Variants in WDR6 observed in about 807,000 individuals in gnomAD.
The protein encoded by WDR6 is tRNA (34-2'-O)-methyltransferase regulator WDR6.
WDR6 carries 58 observed loss-of-function variants against 85.6 expected under a neutral mutation model. The observed-to-expected ratio is 0.68, with a 90% CI of 0.55 to 0.84. WDR6 has a LOEUF of 0.84. WDR6 is among the 40% of genes least tolerant of loss of function. The pLI, the probability that WDR6 is intolerant of heterozygous loss-of-function variation, is 0.00. For missense variants in WDR6, 1,310 were observed against 1,476.4 expected (o/e 0.89, Z 1.85); for synonymous variants, 569 against 582.2 (o/e 0.98, Z 0.33).
chr3:49,011,544 A>G lies in WDR6; in HGVS notation c.101-91A>G. 4.3e-6 allele frequency: 7 copies of G among 1,612,374 alleles called. No individual in the cohort carries two copies. The Middle Eastern group carries it at 6.6e-4, about 152-fold the overall frequency. ...GTGTCCTGATGCATTCATAGGCTACATGCCGAGAAGTTTCCCTGATCCCCA... is the reference window on the plus strand; with the variant it reads ...GTGTCCTGATGCATTCATAGGCTACGTGCCGAGAAGTTTCCCTGATCCCCA... On this transcript the variant is annotated intron_variant, in intron 1 of 5. Transcript: ENST00000608424.
rs746529323 is a variant in WDR6 at position 49,014,361 on chromosome 3, TG to T, written c.2667-19del. The T allele has an allele frequency of 4.3e-6, 7 of 1,614,108 alleles. No homozygotes were observed. The South Asian group carries it at 6.6e-5, about 15-fold the overall frequency. On this transcript the variant is annotated intron_variant, in intron 3 of 5. Coordinates refer to ENST00000608424, the MANE Select transcript of WDR6 (RefSeq NM_018031.6). The surrounding 1 kb of genome is among the most constrained non-coding windows in gnomAD (Gnocchi z 4.9). ...AGGTTGTCTAGGATGCGTTCTGAGC[TG>T]GGCCACCCCCCGCCCCCCAGGCTCT...
At position 49,012,045 on chromosome 3, in the gene WDR6, A is replaced by C. The variant is rs752802847; in HGVS notation, c.511A>C (p.Lys171Gln). The C allele has an allele frequency of 5.6e-6, 9 of 1,614,138 alleles. 1 individual carries two copies. The South Asian group carries it at 9.9e-5, about 18-fold the overall frequency. Reference sequence around the variant, plus strand: ...AGCCTGCCTGATTGGAGACGCCTGGAAGGAGCTGACCATAGTGGCAGGTGC... The same window carrying C: ...AGCCTGCCTGATTGGAGACGCCTGGCAGGAGCTGACCATAGTGGCAGGTGC... ...SSACLIGDAW[K>Q]ELTIVAGAVS... The change falls in exon 2 of 6, where the codon AAG becomes CAG. Residue 171 changes from lysine to glutamine, a missense_variant. Coordinates refer to ENST00000608424, the MANE Select transcript of WDR6 (RefSeq NM_018031.6). The surrounding 1 kb of genome is among the most constrained non-coding windows in gnomAD (Gnocchi z 4.4).
Position 49,013,122 on chromosome 3 carries a change from G to T in WDR6, c.1588G>T (p.Val530Leu), listed in dbSNP as rs761547772. 2 of 1,608,314 alleles carry T rather than the reference G, an allele frequency of 1.2e-6. No individual in the cohort carries two copies. The highest frequency in any genetic ancestry group is 1.1e-5 in the South Asian group (1 of 90,580). Residue 530 changes from valine to leucine, a missense_variant, in exon 2 of 6, where the codon GTG becomes TTG. By Grantham distance (32) the Val-to-Leu change is conservative. Coordinates refer to ENST00000608424, the MANE Select transcript of WDR6 (RefSeq NM_018031.6). This position sits in a 1 kb window ranked among gnomAD's most constrained non-coding sequence, Gnocchi z 4.6. ...SRPGLLKDPG[V>L]GGKARAGAGA... ...ACCAGGTCTGCTCAAGGACCCTGGG[G>T]TGGGAGGCAAGGCTCGGGCTGGTGC...
rs771070469 is a variant in WDR6 at position 49,012,566 on chromosome 3, C to G, written c.1032C>G (p.Ser344=). Residue 344 remains serine, a synonymous_variant, in exon 2 of 6, where the codon TCC becomes TCG. Transcript: ENST00000608424. This position sits in a 1 kb window ranked among gnomAD's most constrained non-coding sequence, Gnocchi z 4.4. ...GLGVSALCFK[S]RSRPGTLKAV... ...GGGTCTCGGCTCTCTGCTTCAAGTC[C>G]CGTAGTAGGCCAGGTACACTCAAGG... 7 of 1,613,982 alleles carry G rather than the reference C, an allele frequency of 4.3e-6. No homozygotes were observed. The East Asian group carries it at 1.6e-4, about 36-fold the overall frequency.
rs1410487247 is a variant in WDR6 at position 49,012,760 on chromosome 3, C to T, written c.1226C>T (p.Ala409Val). 6.2e-7 allele frequency: 1 copy of T among 1,613,876 alleles called. No homozygotes were observed. Among genetic ancestry groups the T allele is most frequent in the African/African-American group, 1.3e-5 (1 of 74,872 alleles). The change falls in exon 2 of 6, where the codon GCT becomes GTT. Residue 409 changes from alanine to valine, a missense_variant. Coordinates refer to ENST00000608424, the MANE Select transcript of WDR6 (RefSeq NM_018031.6). The surrounding 1 kb of genome is among the most constrained non-coding windows in gnomAD (Gnocchi z 4.4). The part of the protein sequence containing the change: ...APGPEGFGLC[A>V]MANGEGRVKV... ...GGTCCCGAGGGCTTCGGATTGTGTG[C>T]TATGGCCAATGGGGAAGGTCGTGTC... is the stretch of plus-strand genomic sequence containing the variant.
Position 49,015,915 on chromosome 3 carries a change from G to C in WDR6, c.*627G>C. ...GTCACTGGCCCATCTCTTTGCTCTTGTGCCCCAGGCCAGAATAAAGAATAG... is the reference window on the plus strand; with the variant it reads ...GTCACTGGCCCATCTCTTTGCTCTTCTGCCCCAGGCCAGAATAAAGAATAG... On this transcript the variant is annotated 3_prime_UTR_variant, in exon 6 of 6. Transcript: ENST00000608424. The C allele has an allele frequency of 6.2e-7, 1 of 1,614,158 alleles. No individual in the cohort carries two copies. The highest frequency in any genetic ancestry group is 8.5e-7 in the Non-Finnish European group (1 of 1,180,036).
rs1431457722 is a variant in WDR6, at chr3:49,013,255, C to T, written c.1721C>T (p.Ser574Leu). 1.9e-6 allele frequency: 3 copies of T among 1,614,108 alleles called. No homozygotes were observed. The highest frequency in any genetic ancestry group is 3.3e-5 in the Admixed American group (2 of 60,002). ...PSLHGKQGVT[S>L]VTCHGGYVYT... Reference sequence around the variant, plus strand: ...CTGCACGGGAAGCAGGGTGTGACCTCAGTCACATGCCATGGTGGCTATGTG... The same window carrying T: ...CTGCACGGGAAGCAGGGTGTGACCTTAGTCACATGCCATGGTGGCTATGTG... Residue 574 changes from serine (S) to leucine (L), a missense_variant, in exon 2 of 6, where the codon TCA (serine) becomes TTA (leucine). Transcript: ENST00000608424. The surrounding 1 kb of genome is among the most constrained non-coding windows in gnomAD (Gnocchi z 4.6).
Position 49,007,437 on chromosome 3 carries a change from C to T in WDR6, c.6C>T (p.Asp2=). The T allele has an allele frequency of 1.2e-6, 2 of 1,611,244 alleles. No individual in the cohort carries two copies. Among genetic ancestry groups the T allele is most frequent in the East Asian group, 4.5e-5 (2 of 44,764 alleles). M[D]ALEDYVWPRA... ...TCAGCACCTCGAGGATCGACATGGA[C>T]GCTCTCGAGGACTACGTTTGGCCGC... Residue 2 remains aspartate, a synonymous_variant, in exon 1 of 6, where the codon GAC becomes GAT. Coordinates refer to ENST00000608424, the MANE Select transcript of WDR6 (RefSeq NM_018031.6). This position sits in a 1 kb window ranked among gnomAD's most constrained non-coding sequence, Gnocchi z 5.1.
intron 1 of WDR6, among the ~76,000 whole-genome samples, chr3:49,008,674 G>A (rs552451530): frequency 1.3e-5 from 2 of 152,276 alleles, no homozygotes; most frequent in South Asian, 2.1e-4. Flanking sequence ...AGGAAAGGAA[G>A]CTGGACAAGC....
At position 49,015,256 on chromosome 3, in the gene WDR6, C is replaced by CA; in HGVS notation, c.3335dup (p.Leu1114AlafsTer2). On this transcript the variant is annotated frameshift_variant, in exon 6 of 6. Coordinates refer to ENST00000608424, the MANE Select transcript of WDR6 (RefSeq NM_018031.6). LOFTEE classifies it high-confidence loss of function. ...TGGCCACCGTTGTGCCCTTGGGGGT[C>CA]AGGGGCTTGAGGTTTACAACTGGTA... The CA allele has an allele frequency of 1.9e-6, 3 of 1,612,404 alleles. No homozygotes were observed. The highest frequency in any genetic ancestry group is 2.5e-6 in the Non-Finnish European group (3 of 1,180,008).
In WDR6 at chr3:49,011,749, C is replaced by T. The variant is rs762455001; in HGVS notation, c.215C>T (p.Pro72Leu). Residue 72 changes from proline to leucine, a missense_variant, in exon 2 of 6, where the codon CCA becomes CTA. By Grantham distance (98) the Pro-to-Leu change is moderately conservative (BLOSUM62 -3). Transcript: ENST00000608424. ...CTTATCCATGGCTTCCGGGTACGGC[C>T]AGAGCCTAATGGAGACCTTGACTTG... ...HYLIHGFRVRPEPNGDLDLEA... is the reference protein window; with the variant it reads ...HYLIHGFRVRLEPNGDLDLEA... The T allele has an allele frequency of 1.9e-6, 3 of 1,614,212 alleles. No homozygotes were observed. Among genetic ancestry groups the T allele is most frequent in the Admixed American group, 1.7e-5 (1 of 60,018 alleles).
Position 49,014,659 on chromosome 3 carries a change from C to T in WDR6, c.2843C>T (p.Thr948Ile). 1.2e-6 allele frequency: 2 copies of T among 1,613,584 alleles called. No individual in the cohort carries two copies. The highest frequency in any genetic ancestry group is 1.7e-6 in the Non-Finnish European group (2 of 1,180,004). ...DGSLAFWDLT[T>I]MLDHDSTVLE... ...AGCCTGGCTTTCTGGGATCTCACCA[C>T]CATGCTAGACCATGACTCCACTGTC... Residue 948 changes from threonine (T) to isoleucine (I), a missense_variant, in exon 5 of 6, where the codon ACC (threonine) becomes ATC (isoleucine). Transcript: ENST00000608424. The surrounding 1 kb of genome is among the most constrained non-coding windows in gnomAD (Gnocchi z 4.9).
rs753246937 is a variant in WDR6 at position 49,015,666 on chromosome 3, C to CA, written c.*379dup. On this transcript the variant is annotated 3_prime_UTR_variant, in exon 6 of 6. Transcript: ENST00000608424. ...CCTCACGCACAGCTCTCAGAAGCTGCAGGCGGACGAACATCTGACCAAAGA... is the reference window on the plus strand; with the variant it reads ...CCTCACGCACAGCTCTCAGAAGCTGCAAGGCGGACGAACATCTGACCAAAGA... 4.8e-5 allele frequency: 78 copies of CA among 1,614,008 alleles called. No homozygotes were observed. The highest frequency in any genetic ancestry group is 6.3e-5 in the Non-Finnish European group (74 of 1,180,038).
chr3:49,011,457 G>C lies in WDR6; in HGVS notation c.101-178G>C, dbSNP rs753343713. The C allele has an allele frequency of 1.7e-5, 27 of 1,580,174 alleles. No homozygotes were observed. The South Asian group carries it at 2.9e-4, about 17-fold the overall frequency. The stretch of plus-strand genomic sequence containing the variant: ...GGCTTTCCAAAGTGCCCAGATTACA[G>C]GCGTGAGCCACCGCACCCGGCCGAG... On this transcript the variant is annotated intron_variant, in intron 1 of 5. Transcript: ENST00000608424.
intron 1 of WDR6, among the ~76,000 whole-genome samples, chr3:49,010,295 A>C (rs1421583709): frequency 6.6e-6 from 1 of 151,838 alleles, no homozygotes; most frequent in African/African-American, 2.4e-5. Flanking sequence ...AGTCCCAGCT[A>C]CTTGGGAGGC....
rs910086884 is a variant in WDR6, at chr3:49,015,829, T to G, written c.*541T>G. ...CCCCAGGATGTGTACCCGGTTGTAG[T>G]AGGAGCTGAAATCCATGCTGAGCTG... On this transcript the variant is annotated 3_prime_UTR_variant, in exon 6 of 6. Transcript: ENST00000608424. 6.2e-7 allele frequency: 1 copy of G among 1,614,184 alleles called. No homozygotes were observed. Among genetic ancestry groups the G allele is most frequent in the Admixed American group, 1.7e-5 (1 of 60,026 alleles).
chr3:49,010,362 C>T lies in WDR6; in HGVS notation c.101-1273C>T, dbSNP rs368609473. Among the ~76,000 whole-genome samples, 20 of 149,228 alleles carry T rather than the reference C, an allele frequency of 1.3e-4. No individual in the cohort carries two copies. In the East Asian group the frequency reaches 2.7e-3, roughly 20 times the overall value. The stretch of plus-strand genomic sequence containing the variant: ...CAGAGCTTGTAGTGAGCCAAGATCG[C>T]GCCACAGCACTCCAGCTTGGGCGGC... On this transcript the variant is annotated intron_variant, in intron 1 of 5. Transcript: ENST00000608424.
At position 49,012,022 on chromosome 3, in the gene WDR6, C is replaced by T; in HGVS notation, c.488C>T (p.Ala163Val). The change falls in exon 2 of 6, where the codon GCC becomes GTC. Residue 163 changes from alanine (A) to valine (V), a missense_variant. Coordinates refer to ENST00000608424, the MANE Select transcript of WDR6 (RefSeq NM_018031.6). The surrounding 1 kb of genome is among the most constrained non-coding windows in gnomAD (Gnocchi z 4.4). Reference sequence around the variant, plus strand: ...ACAGACAGGTGCACCCTCTCTTCAGCCTGCCTGATTGGAGACGCCTGGAAG... The same window carrying T: ...ACAGACAGGTGCACCCTCTCTTCAGTCTGCCTGATTGGAGACGCCTGGAAG... Reference protein sequence around the residue: ...PCTDRCTLSSACLIGDAWKEL... With the variant: ...PCTDRCTLSSVCLIGDAWKEL... 6.2e-7 allele frequency: 1 copy of T among 1,614,182 alleles called. No homozygotes were observed. The highest frequency in any genetic ancestry group is 8.5e-7 in the Non-Finnish European group (1 of 1,180,026).
In WDR6 at chr3:49,012,962, C is replaced by G; in HGVS notation, c.1428C>G (p.Ile476Met). 6.2e-7 allele frequency: 1 copy of G among 1,613,968 alleles called. No individual in the cohort carries two copies. Among genetic ancestry groups the G allele is most frequent in the Non-Finnish European group, 8.5e-7 (1 of 1,179,988 alleles). ...CAGCCGCACCCTCTGGCAAGGCCAT[C>G]TTTGTCAAGGAACGTTGTCGGTACC... ...EISAAPSGKA[I>M]FVKERCRYLL... Residue 476 changes from isoleucine (I) to methionine (M), a missense_variant, in exon 2 of 6, where the codon ATC becomes ATG. Coordinates refer to ENST00000608424, the MANE Select transcript of WDR6 (RefSeq NM_018031.6). The surrounding 1 kb of genome is among the most constrained non-coding windows in gnomAD (Gnocchi z 4.4).
Sources: allele counts gnomAD v4.1 joint callset (sites outside exome capture counted in the v4.1 genomes callset), GRCh38; gene constraint gnomAD v4.1.1; non-coding constraint Gnocchi (gnomAD v3.1); transcripts MANE v1.5; gene names NCBI Gene and HGNC (gene_info 2026-07-23, HGNC 2026-07-21).